The following RALGAPB variants were observed in gnomAD, a reference collection of about 807,000 sequenced individuals.
The protein encoded by RALGAPB is Ral GTPase activating protein non-catalytic subunit beta.
A neutral mutation model predicts 161.1 loss-of-function variants in RALGAPB; 25 were observed. That is an observed-to-expected ratio of 0.16 (90% CI 0.11 to 0.22). RALGAPB has a LOEUF of 0.22. Ranked by LOEUF, RALGAPB falls within the 10% of genes least tolerant of loss-of-function variation. RALGAPB has a pLI of 1.00. For missense variants in RALGAPB, 1,391 were observed against 1,815.2 expected (o/e 0.77, Z 4.25); for synonymous variants, 629 against 626.1 (o/e 1.00, Z -0.07).
chr20:38,505,144 C>A (rs375391870), intron 5 of RALGAPB, among the ~76,000 whole-genome samples: 1 of 152,130 alleles, frequency 6.6e-6, no homozygotes, highest in Non-Finnish European at 1.5e-5. Flanking sequence ...TATTGCAGCA[C>A]GATTCACAAT....
At chr20:38,518,029 AT>A in intron 9 of RALGAPB, 29 bp downstream of exon 9, 1 of 1,562,198 alleles carries the variant, frequency 6.4e-7, no homozygotes, top group Non-Finnish European at 8.8e-7. Context: ...ATATGTTATC[AT>A]TATTTTCCTT....
intron 5 of RALGAPB, among the ~76,000 whole-genome samples, chr20:38,505,713 A>G (rs2085741978): frequency 6.6e-6 from 1 of 152,230 alleles, no homozygotes; most frequent in African/African-American, 2.4e-5. Flanking sequence ...GTATAGTCCA[A>G]ACATAACTTT....
chr20:38,495,378 T>G (rs2085396226), intron 3 of RALGAPB, among the ~76,000 whole-genome samples: 2 of 152,224 alleles, frequency 1.3e-5, no homozygotes, highest in Non-Finnish European at 2.9e-5. Flanking sequence ...TATACTATAC[T>G]GTACTTTAGA....
intron 1 of RALGAPB, among the ~76,000 whole-genome samples, chr20:38,484,851 A>G (rs142734502): frequency 1.3e-5 from 2 of 152,172 alleles, no homozygotes; most frequent in East Asian, 3.9e-4. Context: ...ATGCACCACC[A>G]TGCCTGGCTA....
chr20:38,513,379 C>T (rs2086027330), intron 6 of RALGAPB, among the ~76,000 whole-genome samples: 4 of 149,534 alleles, frequency 2.7e-5, no homozygotes, highest in African/African-American at 4.9e-5. Flanking sequence ...TGGCACATGC[C>T]TGTAATCCCA....
At chr20:38,525,632 A>G in intron 12 of RALGAPB, 114 bp downstream of exon 12, 2 of 924,214 alleles carry the variant, frequency 2.2e-6, no homozygotes, top group East Asian at 5.2e-5. Flanking sequence ...AATTCAAGTT[A>G]TTTCATCAAG....
Position 38,550,468 on chromosome 20 carries a change from G to C in RALGAPB, c.3010-603G>C, listed in dbSNP as rs545782872. Among the ~76,000 whole-genome samples the C allele has an allele frequency of 7.9e-5, 12 of 152,270 alleles. No homozygotes were observed. The South Asian group carries it at 2.5e-3, about 32-fold the overall frequency. ...CCATTTTTTTGGAGGGGGCAGTACA[G>C]AGCACATCCTGTCATCAACTCTGTA... On this transcript the variant is annotated intron_variant, in intron 20 of 29. Transcript: ENST00000262879.
At position 38,517,599 on chromosome 20, in the gene RALGAPB, A is replaced by G; in HGVS notation, c.1145A>G (p.His382Arg). ...QSAAVSTTPP[H>R]NRRHRAVTVN... ...GCTGCTGTCAGTACCACCCCCCCAC[A>G]TAACCGGAGGCACCGGGCTGTTACT... Residue 382 changes from histidine (H) to arginine (R), a missense_variant, in exon 8 of 30, where the codon CAT becomes CGT. Physicochemically the swap from His to Arg is conservative, Grantham distance 29. Transcript: ENST00000262879. 1 of 1,613,934 alleles carries G rather than the reference A, an allele frequency of 6.2e-7. No individual in the cohort carries two copies. The highest frequency in any genetic ancestry group is 2.2e-5 in the East Asian group (1 of 44,882).
rs936597182 is a variant in RALGAPB at position 38,576,916 on chromosome 20, A to C, written c.*1949A>C. The C allele has an allele frequency of 6.6e-6, 1 of 152,608 alleles. No homozygotes were observed. 9.5% of individuals were successfully genotyped at this position (152,608 alleles called of 1,614,324 possible). A position where few individuals can be genotyped will look rare whatever the true frequency, so the allele number is the denominator to read the frequency against. ...CAGATCAAACTTTTACTTTTGGCATAGTTAATTTCAGAAAAATGTGCTGTA... is the reference window on the plus strand; with the variant it reads ...CAGATCAAACTTTTACTTTTGGCATCGTTAATTTCAGAAAAATGTGCTGTA... On this transcript the variant is annotated 3_prime_UTR_variant, in exon 30 of 30. Transcript: ENST00000262879.
At chr20:38,496,373 G>A (rs1222279001) in intron 3 of RALGAPB, among the ~76,000 whole-genome samples, 1 of 152,124 alleles carries the variant, frequency 6.6e-6, no homozygotes, top group Non-Finnish European at 1.5e-5. Flanking sequence ...AAACTCCCCA[G>A]TCTGATTCAG....
At position 38,578,286 on chromosome 20, in the gene RALGAPB, G is replaced by A. The variant is rs1246684403; in HGVS notation, c.*3319G>A. 3.3e-5 allele frequency: 5 copies of A among 152,216 alleles called. No homozygotes were observed. In the South Asian group the frequency reaches 6.2e-4, roughly 19 times the overall value. The allele number at this position is 152,216 out of a possible 1,614,324, so 9.4% of individuals were successfully genotyped here. On this transcript the variant is annotated 3_prime_UTR_variant, in exon 30 of 30. Transcript: ENST00000262879. Reference sequence around the variant, plus strand: ...ATTGGAGGTGGTCTATCCGTACGATGTGGAATCAAACGGTGGGTTTCTTAG... The same window carrying A: ...ATTGGAGGTGGTCTATCCGTACGATATGGAATCAAACGGTGGGTTTCTTAG...
In RALGAPB at chr20:38,509,169, G is replaced by A; in HGVS notation, c.833G>A (p.Cys278Tyr). 3 of 1,613,910 alleles carry A rather than the reference G, an allele frequency of 1.9e-6. No homozygotes were observed. Among genetic ancestry groups the A allele is most frequent in the Non-Finnish European group, 1.7e-6 (2 of 1,179,768 alleles). Reference protein sequence around the residue: ...SLIPPEMDNECVAQTWFRFLH... With the variant: ...SLIPPEMDNEYVAQTWFRFLH... Reference sequence around the variant, plus strand: ...ATCCCTCCAGAAATGGATAATGAGTGTGTTGCACAGACATGGTTTCGCTTT... The same window carrying A: ...ATCCCTCCAGAAATGGATAATGAGTATGTTGCACAGACATGGTTTCGCTTT... The change falls in exon 6 of 30, where the codon TGT becomes TAT. Residue 278 changes from cysteine (C) to tyrosine (Y), a missense_variant. Cys to Tyr is a radical substitution (Grantham distance 194). Coordinates refer to ENST00000262879, the MANE Select transcript of RALGAPB (RefSeq NM_020336.4).
chr20:38,518,724 A>G (rs2086205158), intron 9 of RALGAPB, among the ~76,000 whole-genome samples: 1 of 152,190 alleles, frequency 6.6e-6, no homozygotes, highest in African/African-American at 2.4e-5. Flanking sequence ...GAGCTGAAAA[A>G]TGACAATGGC....
At position 38,550,595 on chromosome 20, in the gene RALGAPB, G is replaced by A. The variant is rs539908668; in HGVS notation, c.3010-476G>A. Among the ~76,000 whole-genome samples the A allele has an allele frequency of 4.6e-5, 7 of 152,308 alleles. No homozygotes were observed. The South Asian group carries it at 1.5e-3, about 32-fold the overall frequency. On this transcript the variant is annotated intron_variant, in intron 20 of 29. Transcript: ENST00000262879. ...GTACCCATATACATATTAAAGCATG[G>A]ATTTGGAGCTGTGAAGACCTAGATT...
chr20:38,545,221 A>G (rs913820433), intron 18 of RALGAPB, among the ~76,000 whole-genome samples: 1 of 152,160 alleles, frequency 6.6e-6, no homozygotes, highest in African/African-American at 2.4e-5. Flanking sequence ...GGATTTTTAA[A>G]TTTAGCTACA....
intron 16 of RALGAPB, 75 bp downstream of exon 16, chr20:38,535,282 T>C: frequency 6.7e-7 from 1 of 1,494,824 alleles, no homozygotes; most frequent in Non-Finnish European, 9.2e-7. Flanking sequence ...TCTTAACCCC[T>C]TGTGTGGGTA....
chr20:38,507,464 C>G (rs1443581259), intron 5 of RALGAPB, among the ~76,000 whole-genome samples: 1 of 152,036 alleles, frequency 6.6e-6, no homozygotes, highest in Non-Finnish European at 1.5e-5. Context: ...CCTCAACCTC[C>G]CCAGGCTCAA....
At chr20:38,491,453 C>T (rs2085278034) in intron 2 of RALGAPB, among the ~76,000 whole-genome samples, 1 of 151,988 alleles carries the variant, frequency 6.6e-6, no homozygotes, top group South Asian at 2.1e-4. Flanking sequence ...ATGTCTTGAC[C>T]AGTTGTAAAT....
rs1463769834 is a variant in RALGAPB, at chr20:38,554,173, A to G, written c.3372+97A>G. The G allele has an allele frequency of 1.3e-5, 14 of 1,119,484 alleles. No individual in the cohort carries two copies. The African/African-American group carries it at 1.9e-4, about 15-fold the overall frequency. The allele number at this position is 1,119,484 out of a possible 1,614,324, so 69.3% of individuals were successfully genotyped here. A position where few individuals can be genotyped will look rare whatever the true frequency, so the allele number is the denominator to read the frequency against. On this transcript the variant is annotated intron_variant, in intron 22 of 29. Coordinates refer to ENST00000262879, the MANE Select transcript of RALGAPB (RefSeq NM_020336.4). ...TTTATCAGGATAGAAGCGAATTAAA[A>G]AAAAAAAAAACTGGTTAAAATTTTA...
Sources: allele counts gnomAD v4.1 joint callset (sites outside exome capture counted in the v4.1 genomes callset), GRCh38; gene constraint gnomAD v4.1.1; transcripts MANE v1.5; gene names NCBI Gene and HGNC (gene_info 2026-07-23, HGNC 2026-07-21).